Variants in MRPS31 observed in about 807,000 individuals in gnomAD.
MRPS31 encodes mitochondrial ribosomal protein S31, also known as small ribosomal subunit protein mS31.
A neutral mutation model predicts 43.1 loss-of-function variants in MRPS31; 32 were observed. The observed-to-expected ratio is 0.74, with a 90% CI of 0.56 to 1.00. The LOEUF is 1.00. Among genes scored for constraint, MRPS31 ranks in the 50% least tolerant of loss-of-function variants. The pLI is 0.00. For missense variants in MRPS31, 437 were observed against 466.7 expected (o/e 0.94, Z 0.59); for synonymous variants, 165 against 161.6 (o/e 1.02, Z -0.16).
chr13:40,759,941 G>C (rs369281990), intron 2 of MRPS31, among the ~76,000 whole-genome samples: 1 of 152,098 alleles, frequency 6.6e-6, no homozygotes, highest in African/African-American at 2.4e-5. Flanking sequence ...ACAGGCATTA[G>C]ATCAAGTGAA....
chr13:40,755,007 C>CT (rs1208739325), intron 4 of MRPS31, among the ~76,000 whole-genome samples: 1 of 152,202 alleles, frequency 6.6e-6, no homozygotes, highest in Non-Finnish European at 1.5e-5. Context: ...ACACTCCAGG[C>CT]TGGGCGATAA....
rs1455836954 is a variant in MRPS31 at position 40,759,092 on chromosome 13, C to G, written c.455G>C (p.Ser152Thr). The change falls in exon 3 of 7, where the codon AGT (serine) becomes ACT (threonine). Residue 152 changes from serine to threonine, a missense_variant. By Grantham distance (58) the Ser-to-Thr change is moderately conservative. Transcript: ENST00000323563. ...YAPKKRIEPLSPELVAAASAV... is the reference protein window; with the variant it reads ...YAPKKRIEPLTPELVAAASAV... ...AGATGCAGCTGCCACCAACTCAGGACTCAGGGGCTCAATTCTGAAAAAGAA... is the reference window on the plus strand; with the variant it reads ...AGATGCAGCTGCCACCAACTCAGGAGTCAGGGGCTCAATTCTGAAAAAGAA... 1 of 1,577,048 alleles carries G rather than the reference C, an allele frequency of 6.3e-7. No homozygotes were observed. Among genetic ancestry groups the G allele is most frequent in the Admixed American group, 2.0e-5 (1 of 50,780 alleles).
chr13:40,733,959 CAAAAAAAAAAAA>C (rs61512285), intron 6 of MRPS31, among the ~76,000 whole-genome samples: 2 of 56,664 alleles, frequency 3.5e-5, no homozygotes, highest in South Asian at 1.5e-3. Context: ...GACTCTGACT[CAAAAAAAAAAAA>C]AAAAAAAAAA....
intron 6 of MRPS31, among the ~76,000 whole-genome samples, chr13:40,730,769 C>T (rs1417616864): frequency 3.3e-5 from 5 of 151,572 alleles, no homozygotes; most frequent in African/African-American, 7.3e-5. Context: ...CCATGTTGGT[C>T]AGGCTGGCTT....
At chr13:40,759,497 T>C (rs1028165530) in intron 2 of MRPS31, among the ~76,000 whole-genome samples, 3 of 152,160 alleles carry the variant, frequency 2.0e-5, no homozygotes, top group African/African-American at 7.2e-5. Context: ...GATTGCTTAT[T>C]ACACCATTAG....
chr13:40,735,200 C>T (rs1423680649), intron 6 of MRPS31, among the ~76,000 whole-genome samples: 4 of 152,200 alleles, frequency 2.6e-5, no homozygotes, highest in Admixed American at 2.0e-4. Flanking sequence ...CGGGTCACTC[C>T]CACCCGAATA....
At chr13:40,761,830 T>C (rs1328586663) in intron 2 of MRPS31, among the ~76,000 whole-genome samples, 3 of 151,490 alleles carry the variant, frequency 2.0e-5, no homozygotes, top group Non-Finnish European at 4.4e-5. Flanking sequence ...GGCAACTTGG[T>C]GCCATATATC....
intron 6 of MRPS31, among the ~76,000 whole-genome samples, chr13:40,734,157 A>C (rs1234515532): frequency 6.6e-6 from 1 of 152,146 alleles, no homozygotes; most frequent in Non-Finnish European, 1.5e-5. Flanking sequence ...AAATAAAACT[A>C]TTTCCAATCT....
chr13:40,744,856 C>T lies in MRPS31; in HGVS notation c.958+4282G>A, dbSNP rs570392347. On this transcript the variant is annotated intron_variant, in intron 6 of 6. Transcript: ENST00000323563. ...CTCAAACTCTTTACCTGAGGTGATCCGCCCACCTCGGCCTCCCAAAGTGCT... is the reference window on the plus strand; with the variant it reads ...CTCAAACTCTTTACCTGAGGTGATCTGCCCACCTCGGCCTCCCAAAGTGCT... 3.9e-5 allele frequency among the ~76,000 whole-genome samples: 6 copies of T among 152,208 alleles called. No individual in the cohort carries two copies. The South Asian group carries it at 8.3e-4, about 21-fold the overall frequency.
intron 1 of MRPS31, among the ~76,000 whole-genome samples, chr13:40,769,070 C>G (rs1248377573): frequency 6.6e-6 from 1 of 151,834 alleles, no homozygotes; most frequent in Admixed American, 6.6e-5. Flanking sequence ...TGTATCAGAC[C>G]CTGGGTTAAA....
chr13:40,767,256 C>T lies in MRPS31; in HGVS notation c.153-223G>A, dbSNP rs1248480031. On this transcript the variant is annotated intron_variant, in intron 1 of 6. Transcript: ENST00000323563. The stretch of plus-strand genomic sequence containing the variant: ...CACCGCAAACCCCGCCTCCAGGGTT[C>T]AAGCAATTCTCCTGCCTCAACCTCC... 3.3e-5 allele frequency among the ~76,000 whole-genome samples: 5 copies of T among 151,908 alleles called. No homozygotes were observed. The East Asian group carries it at 7.8e-4, about 24-fold the overall frequency.
At chr13:40,741,350 A>T (rs1880084154) in intron 6 of MRPS31, among the ~76,000 whole-genome samples, 1 of 152,206 alleles carries the variant, frequency 6.6e-6, no homozygotes, top group African/African-American at 2.4e-5. Flanking sequence ...TTTCCAACAC[A>T]TGTAAGAGTT....
At chr13:40,741,774 G>T (rs1225238968) in intron 6 of MRPS31, among the ~76,000 whole-genome samples, 1 of 152,056 alleles carries the variant, frequency 6.6e-6, no homozygotes, top group Non-Finnish European at 1.5e-5. Context: ...AATGGTAAAA[G>T]AAATTATAGT....
At chr13:40,739,725 G>A (rs57405614) in intron 6 of MRPS31, among the ~76,000 whole-genome samples, 3 of 149,572 alleles carry the variant, frequency 2.0e-5, no homozygotes, top group East Asian at 2.0e-4. Flanking sequence ...CTGGGAAAAC[G>A]GGCTAGCCAT....
intron 6 of MRPS31, among the ~76,000 whole-genome samples, chr13:40,735,176 G>C (rs1328661605): frequency 2.0e-5 from 3 of 152,274 alleles, no homozygotes; most frequent in African/African-American, 4.8e-5. Context: ...GGTGACGGAC[G>C]GCACCTGGAA....
chr13:40,738,366 G>A (rs963986969), intron 6 of MRPS31, among the ~76,000 whole-genome samples: 20 of 152,118 alleles, frequency 1.3e-4, no homozygotes, highest in Admixed American at 6.5e-5. Context: ...GGTACAAGGA[G>A]GAACTGGTAC....
intron 6 of MRPS31, among the ~76,000 whole-genome samples, chr13:40,735,215 G>A (rs897621389): frequency 3.9e-5 from 6 of 152,210 alleles, no homozygotes; most frequent in Non-Finnish European, 5.9e-5. Flanking sequence ...CGAATACTGC[G>A]CTTTTCCAAC....
At chr13:40,746,437 T>TTAC (rs1391382377) in intron 6 of MRPS31, among the ~76,000 whole-genome samples, 1 of 152,148 alleles carries the variant, frequency 6.6e-6, no homozygotes, top group Admixed American at 6.5e-5. Context: ...TGAAAATGAG[T>TTAC]TACTGATCAC....
chr13:40,758,358 C>CT (rs1880594381), intron 3 of MRPS31, among the ~76,000 whole-genome samples: 1 of 152,170 alleles, frequency 6.6e-6, no homozygotes, highest in Non-Finnish European at 1.5e-5. Flanking sequence ...CACACATGGC[C>CT]ATTTCTTTTA....
Sources: allele counts gnomAD v4.1 joint callset (sites outside exome capture counted in the v4.1 genomes callset), GRCh38; gene constraint gnomAD v4.1.1; transcripts MANE v1.5; gene names NCBI Gene and HGNC (gene_info 2026-07-23, HGNC 2026-07-21).